PIP5K1B: variants seen among roughly 807,000 people sequenced by gnomAD.
The protein encoded by PIP5K1B is phosphatidylinositol-4-phosphate 5-kinase type 1 beta, also known as phosphatidylinositol 4-phosphate 5-kinase type-1 beta.
In PIP5K1B, 42 loss-of-function variants were observed where a neutral mutation model predicts 67.0. That is an observed-to-expected ratio of 0.63 (90% confidence interval 0.49 to 0.81). PIP5K1B has a LOEUF of 0.81. Among genes scored for constraint, PIP5K1B ranks in the 30% least tolerant of loss-of-function variants. The pLI, the probability that PIP5K1B is intolerant of heterozygous loss-of-function variation, is 0.00. For missense variants in PIP5K1B, 459 were observed against 646.3 expected (o/e 0.71, Z 3.14); for synonymous variants, 214 against 231.4 (o/e 0.92, Z 0.68).
intron 15 of PIP5K1B, among the ~76,000 whole-genome samples, chr9:68,993,996 G>A (rs115204568): frequency 0.028 from 4,233 of 150,144 alleles, 200 homozygotes; most frequent in African/African-American, 0.097. Flanking sequence ...GGGTTTTATT[G>A]AGAATATTTT....
intron 2 of PIP5K1B, among the ~76,000 whole-genome samples, chr9:68,754,390 C>T (rs1224171558): frequency 2.0e-5 from 3 of 150,720 alleles, no homozygotes; most frequent in Non-Finnish European, 4.4e-5. Context: ...AGGATGGTCT[C>T]AATCTCCCGA....
At chr9:68,961,702 G>C (rs2132751004) in intron 14 of PIP5K1B, among the ~76,000 whole-genome samples, 1 of 152,290 alleles carries the variant, frequency 6.6e-6, no homozygotes, top group South Asian at 2.1e-4. Context: ...AGTTGGGGAA[G>C]AGACCGTCTC....
At chr9:68,790,249 T>G (rs1831885145) in intron 2 of PIP5K1B, among the ~76,000 whole-genome samples, 1 of 152,220 alleles carries the variant, frequency 6.6e-6, no homozygotes, top group Admixed American at 6.5e-5. Flanking sequence ...ACTTTACTTT[T>G]TAAAAACTTT....
At chr9:68,780,122 T>C (rs1218898153) in intron 2 of PIP5K1B, 3 of 1,488,002 alleles carry the variant, frequency 2.0e-6, no homozygotes, top group African/African-American at 1.4e-5. Context: ...ATGGGAATCC[T>C]AGGTCCCTGA....
At chr9:68,940,616 C>T (rs1827509015) in intron 13 of PIP5K1B, 30 bp from the exon 14 acceptor site, 1 of 1,603,076 alleles carries the variant, frequency 6.2e-7, no homozygotes, top group Non-Finnish European at 8.5e-7. Context: ...CCTTGAGATT[C>T]ATGAATGTGT....
intron 11 of PIP5K1B, among the ~76,000 whole-genome samples, chr9:68,920,305 A>G (rs1049941306): frequency 1.3e-5 from 2 of 150,050 alleles, no homozygotes; most frequent in African/African-American, 4.9e-5. Context: ...AAAACTTTTT[A>G]ATTGGTATGG....
chr9:68,805,724 A>T (rs1832839642), intron 2 of PIP5K1B, among the ~76,000 whole-genome samples: 1 of 152,070 alleles, frequency 6.6e-6, no homozygotes, highest in Non-Finnish European at 1.5e-5. Flanking sequence ...ACAAGTGGAG[A>T]TTGGAGCAAT....
At chr9:68,991,563 C>T (rs917964998) in intron 15 of PIP5K1B, among the ~76,000 whole-genome samples, 2 of 152,212 alleles carry the variant, frequency 1.3e-5, no homozygotes, top group Admixed American at 1.3e-4. Context: ...CCCTTTGACT[C>T]AGCCGTGCTC....
At position 68,733,627 on chromosome 9, in the gene PIP5K1B, CTTTTTTTTTTT is replaced by C. The variant is rs35759487; in HGVS notation, c.-242-8854_-242-8844del. ...CCCCACTTATTGAAATACTTAGACT[CTTTTTTTTTTT>C]TTTTTTTTTTTTTTTTTTTGAGATG... On this transcript the variant is annotated intron_variant, in intron 1 of 15. Transcript: ENST00000265382. 8.3e-4 allele frequency among the ~76,000 whole-genome samples: 47 copies of C among 56,520 alleles called. 1 individual carries two copies. Among genetic ancestry groups the C allele is most frequent in the African/African-American group, 2.8e-3 (36 of 12,666 alleles). 37.1% of individuals were successfully genotyped at this position (56,520 alleles called of 152,430 possible).
intron 14 of PIP5K1B, among the ~76,000 whole-genome samples, chr9:68,984,073 T>A (rs1417350607): frequency 6.6e-6 from 1 of 152,092 alleles, no homozygotes; most frequent in East Asian, 1.9e-4. Context: ...ACAAATTAAA[T>A]AACTAAATAT....
At chr9:68,719,067 T>C (rs938926355) in intron 1 of PIP5K1B, among the ~76,000 whole-genome samples, 12 of 152,226 alleles carry the variant, frequency 7.9e-5, no homozygotes, top group African/African-American at 2.7e-4. Flanking sequence ...GCTTTAGTTC[T>C]TTCTTGTTCG....
intron 6 of PIP5K1B, among the ~76,000 whole-genome samples, chr9:68,887,345 G>A (rs764141560): frequency 6.6e-6 from 1 of 152,166 alleles, no homozygotes; most frequent in Non-Finnish European, 1.5e-5. Context: ...TAGAAGGGAG[G>A]TTGTCGCAGG....
chr9:68,880,410 C>T (rs970478019), intron 6 of PIP5K1B, among the ~76,000 whole-genome samples: 1 of 152,062 alleles, frequency 6.6e-6, no homozygotes, highest in Non-Finnish European at 1.5e-5. Flanking sequence ...AAAACGTTAG[C>T]TGGGCACGGT....
intron 12 of PIP5K1B, among the ~76,000 whole-genome samples, chr9:68,929,163 T>TAA (rs60505568): frequency 9.9e-6 from 1 of 101,462 alleles, no homozygotes. Context: ...AGACTCTATC[T>TAA]AAAAAAAAAA....
chr9:68,876,266 C>T (rs953972682), intron 5 of PIP5K1B, among the ~76,000 whole-genome samples: 3 of 152,132 alleles, frequency 2.0e-5, no homozygotes, highest in Non-Finnish European at 4.4e-5. Flanking sequence ...TCACTTATCC[C>T]TGGTTAACAA....
intron 2 of PIP5K1B, among the ~76,000 whole-genome samples, chr9:68,768,770 A>G (rs1830549832): frequency 6.6e-6 from 1 of 152,220 alleles, no homozygotes; most frequent in South Asian, 2.1e-4. Context: ...GGAATTGAGC[A>G]GTAGCTGTCA....
intron 2 of PIP5K1B, chr9:68,782,926 T>G (rs1261301840): frequency 1.2e-5 from 2 of 167,192 alleles, no homozygotes. Context: ...GACTTTTCCT[T>G]TTCTCTGTTG....
At chr9:68,994,451 G>A (rs965101433) in intron 15 of PIP5K1B, among the ~76,000 whole-genome samples, 15 of 152,042 alleles carry the variant, frequency 9.9e-5, no homozygotes, top group African/African-American at 3.6e-4. Flanking sequence ...TTGTGAGAAA[G>A]GTGGCATTCT....
At position 68,788,340 on chromosome 9, in the gene PIP5K1B, C is replaced by A; in HGVS notation, c.-85-30121C>A. ...AAACTTGGAACTTTCTAGCTTTGGTCATGTATTTTATGCCCTTAAAGGGTT... is the reference window on the plus strand; with the variant it reads ...AAACTTGGAACTTTCTAGCTTTGGTAATGTATTTTATGCCCTTAAAGGGTT... On this transcript the variant is annotated intron_variant, in intron 2 of 15. Transcript: ENST00000265382. The A allele has an allele frequency of 3.2e-6, 3 of 934,358 alleles. No individual in the cohort carries two copies. The South Asian group carries it at 4.0e-5, about 12-fold the overall frequency. The allele number at this position is 934,358 out of a possible 1,614,324, so 57.9% of individuals were successfully genotyped here.
Sources: allele counts gnomAD v4.1 joint callset (sites outside exome capture counted in the v4.1 genomes callset), GRCh38; gene constraint gnomAD v4.1.1; transcripts MANE v1.5; gene names NCBI Gene and HGNC (gene_info 2026-07-23, HGNC 2026-07-21).